The following KIAA0319 variants were observed in gnomAD, a reference collection of about 807,000 sequenced individuals.
KIAA0319 encodes the protein dyslexia-associated protein KIAA0319.
Under a neutral mutation model 108.4 loss-of-function variants are expected in KIAA0319, and 83 were observed. The ratio of observed to expected loss-of-function variants is 0.77; its 90% CI spans 0.64 to 0.92. KIAA0319 has a LOEUF of 0.92. Among genes scored for constraint, KIAA0319 ranks in the 40% least tolerant of loss-of-function variants. KIAA0319 has a pLI of 0.00. For synonymous variants in KIAA0319, 484 were observed against 510.4 expected (o/e 0.95, Z 0.70); for missense variants, 1,195 against 1,322.4 (o/e 0.90, Z 1.49).
chr6:24,572,321 A>T (rs1361009154), intron 11 of KIAA0319, among the ~76,000 whole-genome samples: 1 of 152,218 alleles, frequency 6.6e-6, no homozygotes, highest in Non-Finnish European at 1.5e-5. Context: ...TCCAGAGCAG[A>T]CTGGGGCACG....
chr6:24,641,096 C>T (rs1776853120), intron 1 of KIAA0319, among the ~76,000 whole-genome samples: 1 of 152,294 alleles, frequency 6.6e-6, no homozygotes, highest in African/African-American at 2.4e-5. Context: ...TTCCTGGTAA[C>T]CCTTATTCTT....
intron 12 of KIAA0319, 138 bp downstream of exon 12, chr6:24,569,765 C>T: frequency 1.0e-6 from 1 of 979,230 alleles, no homozygotes; most frequent in South Asian, 1.7e-5. Flanking sequence ...CAATAACGCC[C>T]AGCCACTTCT....
chr6:24,557,069 G>A (rs1762400319), intron 17 of KIAA0319, among the ~76,000 whole-genome samples: 1 of 152,184 alleles, frequency 6.6e-6, no homozygotes, highest in South Asian at 2.1e-4. Flanking sequence ...GCTGGGCATG[G>A]TGGCACATGC....
At chr6:24,603,233 C>G in intron 1 of KIAA0319, among the ~76,000 whole-genome samples, 1 of 152,116 alleles carries the variant, frequency 6.6e-6, no homozygotes, top group East Asian at 1.9e-4. Context: ...TTCACCACAA[C>G]CCAGACATAT....
intron 15 of KIAA0319, 81 bp downstream of exon 15, chr6:24,564,121 T>G: frequency 1.3e-6 from 2 of 1,567,814 alleles, no homozygotes; most frequent in Non-Finnish European, 1.7e-6. Flanking sequence ...CCTCCCACAC[T>G]GGTCACATCT....
Position 24,595,959 on chromosome 6 carries a change from G to C in KIAA0319, c.715C>G (p.Pro239Ala), listed in dbSNP as rs759502249. Residue 239 changes from proline to alanine, a missense_variant, in exon 3 of 21, where the codon CCG (proline) becomes GCG (alanine). By Grantham distance (27) the Pro-to-Ala change is conservative (BLOSUM62 -1). Transcript: ENST00000378214. ...LPERSVLLPL[P>A]TTPSSGEVLE... is the part of the protein sequence containing the mutation. ...ACCTCTCCTGAAGATGGAGTAGTCG[G>C]CAAGGGAAGCAACACACTTCTCTCA... 7 of 1,614,200 alleles carry C rather than the reference G, an allele frequency of 4.3e-6. No individual in the cohort carries two copies. The Admixed American group carries it at 8.3e-5, about 19-fold the overall frequency.
intron 18 of KIAA0319, among the ~76,000 whole-genome samples, chr6:24,554,954 T>C (rs552011297): frequency 8.5e-5 from 13 of 152,230 alleles, no homozygotes; most frequent in Non-Finnish European, 1.8e-4. Flanking sequence ...CACACATGTA[T>C]ACCACATCAA....
chr6:24,603,719 C>T (rs1770991895), intron 1 of KIAA0319, among the ~76,000 whole-genome samples: 2 of 152,154 alleles, frequency 1.3e-5, no homozygotes, highest in South Asian at 4.1e-4. Context: ...TCTGTGGCAG[C>T]CTAATGGGGG....
chr6:24,588,813 G>A, intron 3 of KIAA0319, 28 bp from the exon 4 acceptor site: 1 of 1,556,642 alleles, frequency 6.4e-7, no homozygotes. Context: ...AGGATAAATT[G>A]TTATTAAAAA....
At chr6:24,541,693 G>C (rs892780759), downstream of KIAA0319, among the ~76,000 whole-genome samples, 4 of 152,152 alleles carry the variant, frequency 2.6e-5, no homozygotes, top group Non-Finnish European at 5.9e-5. Flanking sequence ...AGCTACCTGG[G>C]AGGCTGAGGC....
chr6:24,633,812 C>T (rs182125260), intron 1 of KIAA0319, among the ~76,000 whole-genome samples: 10 of 152,156 alleles, frequency 6.6e-5, no homozygotes, highest in African/African-American at 2.4e-4. Flanking sequence ...ACTTTTTATT[C>T]GGACTTATTC....
chr6:24,602,756 A>G (rs1470434946), intron 1 of KIAA0319, among the ~76,000 whole-genome samples: 2 of 152,248 alleles, frequency 1.3e-5, no homozygotes, highest in South Asian at 2.1e-4. Context: ...AGCCGAGATC[A>G]CGCCACTGCA....
intron 1 of KIAA0319, among the ~76,000 whole-genome samples, chr6:24,642,008 C>G (rs1055764902): frequency 2.6e-5 from 3 of 114,064 alleles, no homozygotes; most frequent in African/African-American, 1.0e-4. Context: ...AGAGCAAGAC[C>G]GTGTCAGAAA....
At chr6:24,551,114 G>A (rs928734120) in intron 20 of KIAA0319, among the ~76,000 whole-genome samples, 3 of 151,472 alleles carry the variant, frequency 2.0e-5, no homozygotes, top group Non-Finnish European at 2.9e-5. Context: ...GAATAGCTGG[G>A]ACTACAGGCG....
chr6:24,594,397 G>A (rs1449294926), intron 3 of KIAA0319, among the ~76,000 whole-genome samples: 1 of 151,726 alleles, frequency 6.6e-6, no homozygotes, highest in Non-Finnish European at 1.5e-5. Flanking sequence ...AGGCCGAGGT[G>A]GGGGTATCAT....
intron 10 of KIAA0319, among the ~76,000 whole-genome samples, chr6:24,573,367 A>G (rs1379880640): frequency 6.6e-6 from 1 of 152,212 alleles, no homozygotes; most frequent in African/African-American, 2.4e-5. Flanking sequence ...GAAACAATCT[A>G]CACATCCATC....
At chr6:24,565,725 C>G (rs1050451687) in intron 14 of KIAA0319, among the ~76,000 whole-genome samples, 3 of 142,370 alleles carry the variant, frequency 2.1e-5, no homozygotes, top group Admixed American at 1.4e-4. Flanking sequence ...TGCACTACAG[C>G]CTGGGCGATA....
In KIAA0319 at chr6:24,599,040, G is replaced by C. The variant is rs941215825; in HGVS notation, c.55+2009C>G. ...CAACTTCCTCAGGCAGCTGTATGAA[G>C]AGGAGATCCAGGAGCTGCAGTCCCA... On this transcript the variant is annotated intron_variant, in intron 2 of 20. Transcript: ENST00000378214. The surrounding 1 kb of genome is among the most constrained non-coding windows in gnomAD (Gnocchi z 4.1). 2.7e-6 allele frequency: 2 copies of C among 739,750 alleles called. No individual in the cohort carries two copies. The highest frequency in any genetic ancestry group is 3.4e-5 in the African/African-American group (2 of 58,694). The allele number at this position is 739,750 out of a possible 1,614,324, so 45.8% of individuals were successfully genotyped here.
At position 24,596,036 on chromosome 6, in the gene KIAA0319, G is replaced by A. The variant is rs777741942; in HGVS notation, c.638C>T (p.Pro213Leu). ...CGACTCATTCAGGTAATGGAGCTCAGGGTCCTGCTGCGTCTCCGCTGGCAC... is the reference window on the plus strand; with the variant it reads ...CGACTCATTCAGGTAATGGAGCTCAAGGTCCTGCTGCGTCTCCGCTGGCAC... ...PAVPAETQQD[P>L]ELHYLNESAS... Residue 213 changes from proline (P) to leucine (L), a missense_variant, in exon 3 of 21, where the codon CCT (proline) becomes CTT (leucine). Coordinates refer to ENST00000378214, the MANE Select transcript of KIAA0319 (RefSeq NM_014809.4). The A allele has an allele frequency of 6.2e-7, 1 of 1,614,126 alleles. No individual in the cohort carries two copies.
Sources: gnomAD v4.1 joint callset for allele counts (sites outside exome capture counted in the v4.1 genomes callset) on GRCh38, gnomAD v4.1.1 for gene constraint, Gnocchi (gnomAD v3.1) non-coding constraint, MANE v1.5 for transcripts, NCBI Gene and HGNC (gene_info 2026-07-23, HGNC 2026-07-21) for gene names.